Variants in CATSPERE observed in about 807,000 individuals in gnomAD.
CATSPERE encodes cation channel sperm-associated auxiliary subunit epsilon.
A neutral mutation model predicts 114.1 loss-of-function variants in CATSPERE; 93 were observed. The observed-to-expected ratio is 0.81, with a 90% CI of 0.69 to 0.97. The LOEUF (loss-of-function observed/expected upper bound fraction) is 0.97, where lower values mean the gene tolerates loss of function less well. Ranked by LOEUF, CATSPERE falls within the 50% of genes least tolerant of loss-of-function variation. CATSPERE has a pLI of 0.00. For synonymous variants in CATSPERE, 341 were observed against 384.1 expected (o/e 0.89, Z 1.31); for missense variants, 1,058 against 1,131.6 (o/e 0.93, Z 0.93).
intron 20 of CATSPERE, among the ~76,000 whole-genome samples, chr1:244,622,396 CTTTTCTT>C (rs1369314097): frequency 6.4e-5 from 8 of 124,366 alleles, no homozygotes; most frequent in South Asian, 2.6e-4. Context: ...ATTTTCTTTC[CTTTTCTT>C]TTTTTTTTTT....
At chr1:244,464,775 T>C (rs902426815) in intron 2 of CATSPERE, among the ~76,000 whole-genome samples, 2 of 152,192 alleles carry the variant, frequency 1.3e-5, no homozygotes, top group African/African-American at 4.8e-5. Context: ...TCTCTTCGCA[T>C]ATTATGTAGG....
At chr1:244,476,737 T>A (rs912421139) in intron 2 of CATSPERE, among the ~76,000 whole-genome samples, 2 of 152,174 alleles carry the variant, frequency 1.3e-5, no homozygotes, top group Non-Finnish European at 2.9e-5. Flanking sequence ...ACTGACAATG[T>A]TAGAAAGTGA....
intron 8 of CATSPERE, among the ~76,000 whole-genome samples, chr1:244,545,691 C>T (rs1177185941): frequency 1.3e-5 from 2 of 152,172 alleles, no homozygotes; most frequent in African/African-American, 4.8e-5. Context: ...ACCATGCAAC[C>T]CTAGCTGTCC....
At chr1:244,603,011 A>G (rs1669485949) in intron 17 of CATSPERE, among the ~76,000 whole-genome samples, 1 of 152,094 alleles carries the variant, frequency 6.6e-6, no homozygotes, top group Admixed American at 6.6e-5. Flanking sequence ...TAGGAGAGGC[A>G]GGGTAAGCAT....
chr1:244,632,299 C>A (rs1471178209), intron 20 of CATSPERE, among the ~76,000 whole-genome samples: 1 of 143,740 alleles, frequency 7.0e-6, no homozygotes, highest in Admixed American at 7.4e-5. Flanking sequence ...GAGGCTGAGG[C>A]AGGAGAATCA....
chr1:244,628,664 C>G (rs1175219275), intron 20 of CATSPERE, among the ~76,000 whole-genome samples: 1 of 152,132 alleles, frequency 6.6e-6, no homozygotes, highest in African/African-American at 2.4e-5. Context: ...GGCCATCTCT[C>G]CTATTAGGAA....
At chr1:244,499,973 C>A (rs577154970) in intron 7 of CATSPERE, among the ~76,000 whole-genome samples, 1 of 152,122 alleles carries the variant, frequency 6.6e-6, no homozygotes. Flanking sequence ...AGTGTAAAAA[C>A]GTTCCTATTT....
At chr1:244,611,980 G>A (rs999042311) in intron 19 of CATSPERE, among the ~76,000 whole-genome samples, 10 of 152,184 alleles carry the variant, frequency 6.6e-5, no homozygotes, top group Non-Finnish European at 2.9e-5. Context: ...GCAGGTCTTG[G>A]TTGGGGCCCA....
At chr1:244,615,358 A>G (rs528255114) in intron 19 of CATSPERE, among the ~76,000 whole-genome samples, 2 of 152,142 alleles carry the variant, frequency 1.3e-5, no homozygotes, top group South Asian at 4.1e-4. Flanking sequence ...TGACTATTTC[A>G]TCTCCTAGAA....
At chr1:244,585,662 T>C (rs1456955018) in intron 13 of CATSPERE, among the ~76,000 whole-genome samples, 1 of 152,208 alleles carries the variant, frequency 6.6e-6, no homozygotes, top group Non-Finnish European at 1.5e-5. Flanking sequence ...CACAGAACCA[T>C]GGCCTACAGA....
chr1:244,520,703 T>A (rs1004886535), intron 8 of CATSPERE, among the ~76,000 whole-genome samples: 2 of 152,042 alleles, frequency 1.3e-5, no homozygotes, highest in Admixed American at 1.3e-4. Context: ...GGTGGAAAAT[T>A]TGTCCGTACA....
At position 244,477,891 on chromosome 1, in the gene CATSPERE, C is replaced by CT. The variant is rs1669623531; in HGVS notation, c.189-10dup. Reference sequence around the variant, plus strand: ...TGCACCTATAATTATTCTTTCTCATCTTTTTAAACACTAGCTCACCCACGA... The same window carrying CT: ...TGCACCTATAATTATTCTTTCTCATCTTTTTTAAACACTAGCTCACCCACGA... On this transcript the variant is annotated splice_polypyrimidine_tract_variant and intron_variant, in intron 3 of 21. Coordinates refer to ENST00000366534, the MANE Select transcript of CATSPERE (RefSeq NM_001130957.2). The CT allele has an allele frequency of 6.3e-7, 1 of 1,588,032 alleles. No homozygotes were observed.
At chr1:244,601,216 A>C (rs115636597) in intron 17 of CATSPERE, among the ~76,000 whole-genome samples, 1,725 of 152,312 alleles carry the variant, frequency 0.011, 18 homozygotes, top group Non-Finnish European at 0.015. Context: ...GAAATTAACC[A>C]GGATGCAATA....
intron 9 of CATSPERE, among the ~76,000 whole-genome samples, chr1:244,557,792 A>G (rs536575661): frequency 1.7e-4 from 26 of 151,172 alleles, no homozygotes; most frequent in African/African-American, 5.6e-4. Context: ...CTTTCCTACT[A>G]GGATTCCAAA....
intron 10 of CATSPERE, among the ~76,000 whole-genome samples, chr1:244,571,036 A>C (rs1000480656): frequency 6.6e-6 from 1 of 152,226 alleles, no homozygotes; most frequent in African/African-American, 2.4e-5. Flanking sequence ...ATAATCCAAA[A>C]ACAATGTATT....
intron 19 of CATSPERE, among the ~76,000 whole-genome samples, chr1:244,613,876 C>T (rs1166395103): frequency 6.6e-6 from 1 of 152,154 alleles, no homozygotes; most frequent in African/African-American, 2.4e-5. Context: ...GCAGAGCCCC[C>T]ATACATGGAT....
At chr1:244,529,516 TA>T (rs988523382) in intron 8 of CATSPERE, among the ~76,000 whole-genome samples, 2 of 152,128 alleles carry the variant, frequency 1.3e-5, no homozygotes, top group African/African-American at 2.4e-5. Context: ...TGGATTATTA[TA>T]TTTTTTTCCT....
rs1670531761 is a variant in CATSPERE at position 244,610,266 on chromosome 1, A to G, written c.2430A>G (p.Thr810=). Residue 810 remains threonine, a synonymous_variant, in exon 19 of 22, where the codon ACA becomes ACG. Coordinates refer to ENST00000366534, the MANE Select transcript of CATSPERE (RefSeq NM_001130957.2). ...GTGGTTGTTTACATGAAGCACAGAC[A>G]TGGAAGTCAATGATTGAACTTAACA... ...AQSGCLHEAQ[T]WKSMIELNKH... The G allele has an allele frequency of 2.5e-6, 4 of 1,612,420 alleles. No homozygotes were observed. Among genetic ancestry groups the G allele is most frequent in the Non-Finnish European group, 3.4e-6 (4 of 1,179,190 alleles).
chr1:244,539,385 T>C (rs1438281198), intron 8 of CATSPERE, among the ~76,000 whole-genome samples: 6 of 129,310 alleles, frequency 4.6e-5, no homozygotes, highest in Admixed American at 8.6e-5. Flanking sequence ...CAGTATTTTA[T>C]TGAGGATTTT....
Sources: gnomAD v4.1 joint callset for allele counts (sites outside exome capture counted in the v4.1 genomes callset) on GRCh38, gnomAD v4.1.1 for gene constraint, MANE v1.5 for transcripts, NCBI Gene and HGNC (gene_info 2026-07-23, HGNC 2026-07-21) for gene names.